FGD3: variants seen among roughly 807,000 people sequenced by gnomAD.
The protein encoded by FGD3 is FYVE, RhoGEF and PH domain containing 3.
In FGD3, 45 loss-of-function variants were observed where a neutral mutation model predicts 71.8. The ratio of observed to expected loss-of-function variants is 0.63; its 90% CI spans 0.49 to 0.80. FGD3 has a LOEUF of 0.80. FGD3 is among the 30% of genes least tolerant of loss of function. The probability of loss-of-function intolerance (pLI) is 0.00; values close to 1 mark genes in which losing one functional copy is unlikely to be tolerated. For missense variants in FGD3, 844 were observed against 951.5 expected (o/e 0.89, Z 1.49); for synonymous variants, 378 against 392.8 (o/e 0.96, Z 0.44).
At chr9:92,967,177 G>C (rs1039972780) in intron 1 of FGD3, among the ~76,000 whole-genome samples, 2 of 152,064 alleles carry the variant, frequency 1.3e-5, no homozygotes. Context: ...TGGTCAGGCT[G>C]GTCTTGAACT....
intron 3 of FGD3, among the ~76,000 whole-genome samples, chr9:92,993,006 A>T (rs921229074): frequency 1.3e-5 from 2 of 152,088 alleles, no homozygotes; most frequent in African/African-American, 2.4e-5. Context: ...TCTCTCAATC[A>T]TCACAGGTGC....
At chr9:92,971,547 T>C (rs1859528559) in intron 1 of FGD3, among the ~76,000 whole-genome samples, 1 of 77,176 alleles carries the variant, frequency 1.3e-5, no homozygotes, top group Non-Finnish European at 2.5e-5. Flanking sequence ...GGGATTTTTC[T>C]TTTCTTTTCT....
intron 6 of FGD3, among the ~76,000 whole-genome samples, chr9:93,007,798 C>T (rs1480927471): frequency 1.3e-5 from 2 of 152,216 alleles, no homozygotes; most frequent in Non-Finnish European, 2.9e-5. Context: ...GACTTTGCCC[C>T]CCGGGGATCC....
At chr9:92,958,233 A>C (rs551671496) in intron 1 of FGD3, among the ~76,000 whole-genome samples, 9 of 152,280 alleles carry the variant, frequency 5.9e-5, no homozygotes, top group African/African-American at 1.9e-4. Flanking sequence ...TCCTGACTTC[A>C]GGTGACCCAC....
chr9:92,954,082 G>A (rs377191197), intron 1 of FGD3, among the ~76,000 whole-genome samples: 5 of 152,284 alleles, frequency 3.3e-5, no homozygotes, highest in East Asian at 3.9e-4. Flanking sequence ...GCATCAAGAA[G>A]CAAATGAAAA....
intron 10 of FGD3, among the ~76,000 whole-genome samples, chr9:93,017,730 C>G (rs568511638): frequency 7.2e-5 from 11 of 152,328 alleles, no homozygotes; most frequent in African/African-American, 2.4e-4. Context: ...CTCTTCTCAT[C>G]AGATCCCTTT....
chr9:93,023,850 G>T (rs985202080), intron 14 of FGD3, among the ~76,000 whole-genome samples: 1 of 145,114 alleles, frequency 6.9e-6, no homozygotes, highest in African/African-American at 2.5e-5. Context: ...CGCCCAGGCC[G>T]GAGTGCGGTG....
At chr9:93,011,369 G>A (rs1313374196) in intron 8 of FGD3, 97 bp downstream of exon 8, 1 of 1,466,100 alleles carries the variant, frequency 6.8e-7, no homozygotes, top group African/African-American at 1.4e-5. Context: ...TATCCTTTGG[G>A]GGGCTCCACA....
At chr9:93,000,848 G>A (rs937511740) in intron 3 of FGD3, among the ~76,000 whole-genome samples, 1 of 152,118 alleles carries the variant, frequency 6.6e-6, no homozygotes, top group Non-Finnish European at 1.5e-5. Flanking sequence ...TTTGGGAAAT[G>A]TTCAGCCATT....
intron 1 of FGD3, among the ~76,000 whole-genome samples, chr9:92,950,550 G>A (rs915733628): frequency 1.3e-5 from 2 of 152,222 alleles, no homozygotes; most frequent in Non-Finnish European, 2.9e-5. Flanking sequence ...CAGCTTGGCA[G>A]TCCTTGCTCA....
intron 7 of FGD3, 117 bp from the exon 8 acceptor site, chr9:93,011,097 G>C: frequency 9.3e-7 from 1 of 1,080,292 alleles, no homozygotes. Flanking sequence ...AGGCACCCTG[G>C]GAAAGGCTGA....
At chr9:93,025,662 C>T (rs941747704) in intron 14 of FGD3, among the ~76,000 whole-genome samples, 1 of 152,240 alleles carries the variant, frequency 6.6e-6, no homozygotes, top group African/African-American at 2.4e-5. Flanking sequence ...ACACCCAAGC[C>T]AGGAAGTTTT....
intron 3 of FGD3, among the ~76,000 whole-genome samples, chr9:92,989,350 A>C (rs978938950): frequency 2.2e-4 from 33 of 151,816 alleles, no homozygotes; most frequent in Admixed American, 6.6e-5. Flanking sequence ...CGCCTGGCCA[A>C]CCCCTGACCT....
At chr9:93,022,534 A>G in intron 14 of FGD3, 145 bp downstream of exon 14, 2 of 761,298 alleles carry the variant, frequency 2.6e-6, no homozygotes, top group Non-Finnish European at 4.1e-6. Flanking sequence ...TGCCCTGCTC[A>G]CTGTGACTGG....
chr9:93,034,442 T>TC, intron 16 of FGD3, 99 bp from the exon 17 acceptor site: 1 of 1,426,676 alleles, frequency 7.0e-7, no homozygotes. Context: ...CACAGCCAGC[T>TC]CCCCCCAAGC....
At position 92,976,677 on chromosome 9, in the gene FGD3, C is replaced by A. The variant is rs767675931; in HGVS notation, c.421C>A (p.Gln141Lys). Residue 141 changes from glutamine (Q) to lysine (K), a missense_variant, in exon 3 of 18, where the codon CAG becomes AAG. Coordinates refer to ENST00000375482, the MANE Select transcript of FGD3 (RefSeq NM_001083536.2). ...GGAACCTGACTCTGAGAACACCCCC[C>A]AGAAGGCTGACAAGGATGCCGGCCT... ...GEEPDSENTP[Q>K]KADKDAGLAQ... 1.7e-5 allele frequency: 27 copies of A among 1,603,444 alleles called. No individual in the cohort carries two copies. The highest frequency in any genetic ancestry group is 2.0e-5 in the Non-Finnish European group (24 of 1,174,496).
Position 93,018,023 on chromosome 9 carries a change from G to A in FGD3, c.1276-113G>A, listed in dbSNP as rs1861769259. 10 of 968,346 alleles carry A rather than the reference G, an allele frequency of 1.0e-5. No individual in the cohort carries two copies. In the East Asian group the frequency reaches 1.5e-4, roughly 14 times the overall value. The allele number at this position is 968,346 out of a possible 1,614,324, so 60.0% of individuals were successfully genotyped here. On this transcript the variant is annotated intron_variant, in intron 10 of 17. Transcript: ENST00000375482. ...CCTCTCCCTGCAGAACTGTGGGGCTGCAGGCTCACCTCTGTTACCTCCTTG... is the reference window on the plus strand; with the variant it reads ...CCTCTCCCTGCAGAACTGTGGGGCTACAGGCTCACCTCTGTTACCTCCTTG...
intron 14 of FGD3, among the ~76,000 whole-genome samples, chr9:93,027,231 G>T (rs556401586): frequency 6.6e-6 from 1 of 152,338 alleles, no homozygotes; most frequent in African/African-American, 2.4e-5. Flanking sequence ...GTGGGCCAAT[G>T]AACGGGGACC....
intron 10 of FGD3, among the ~76,000 whole-genome samples, 184 bp from the exon 11 acceptor site, chr9:93,017,952 A>G (rs1861765923): frequency 6.6e-6 from 1 of 152,160 alleles, no homozygotes; most frequent in Admixed American, 6.5e-5. Flanking sequence ...GCTGTCCCTG[A>G]TGGACCAGCT....
Sources: gnomAD v4.1 joint callset for allele counts (sites outside exome capture counted in the v4.1 genomes callset) on GRCh38, gnomAD v4.1.1 for gene constraint, MANE v1.5 for transcripts, NCBI Gene and HGNC (gene_info 2026-07-23, HGNC 2026-07-21) for gene names.